ZNF578: variants seen among roughly 807,000 people sequenced by gnomAD.
The protein encoded by ZNF578 is zinc finger protein 578.
ZNF578 carries 8 observed loss-of-function variants against 8.3 expected under a neutral mutation model. That is an observed-to-expected ratio of 0.96 (90% confidence interval 0.56 to 1.74). The LOEUF is 1.74. ZNF578 is among the 40% of genes most tolerant of loss of function. ZNF578 has a pLI of 0.00. For synonymous variants in ZNF578, 206 were observed against 232.2 expected (o/e 0.89, Z 1.03); for missense variants, 726 against 707.5 (o/e 1.03, Z -0.30).
Position 52,511,315 on chromosome 19 carries a change from G to A in ZNF578, c.934G>A (p.Glu312Lys). ...LTCHRRCHTG[E>K]KPYKCNECGK... ...ATGCCATCGTAGATGTCACACTGGT[G>A]AGAAACCTTACAAGTGTAATGAATG... The change falls in exon 6 of 6, where the codon GAG (glutamate) becomes AAG (lysine). Residue 312 changes from glutamate (E) to lysine (K), a missense_variant. Transcript: ENST00000421239. 6.2e-7 allele frequency: 1 copy of A among 1,614,038 alleles called. No individual in the cohort carries two copies. Among genetic ancestry groups the A allele is most frequent in the East Asian group, 2.2e-5 (1 of 44,870 alleles).
intron 3 of ZNF578, among the ~76,000 whole-genome samples, chr19:52,496,136 A>G (rs939128769): frequency 6.0e-5 from 9 of 150,344 alleles, no homozygotes; most frequent in African/African-American, 2.0e-4. Context: ...TCTCTGCCTC[A>G]GCCTCCCGAG....
intron 3 of ZNF578, among the ~76,000 whole-genome samples, chr19:52,493,882 A>G (rs966970153): frequency 6.6e-6 from 1 of 151,800 alleles, no homozygotes; most frequent in African/African-American, 2.4e-5. Flanking sequence ...GCCAGCTATT[A>G]GGGAGGCTGA....
chr19:52,501,654 A>T lies in ZNF578; in HGVS notation c.-19-173A>T, dbSNP rs115002246. 7.2e-3 allele frequency among the ~76,000 whole-genome samples: 1,101 copies of T among 152,256 alleles called. 13 individuals carry two copies. Among genetic ancestry groups the T allele is most frequent in the African/African-American group, 0.023 (962 of 41,544 alleles). Reference sequence around the variant, plus strand: ...CGAGATCTGAAGACCAGGGTCAAACATACACTTATAGGTCTTCCTGTGGGA... The same window carrying T: ...CGAGATCTGAAGACCAGGGTCAAACTTACACTTATAGGTCTTCCTGTGGGA... On this transcript the variant is annotated intron_variant, in intron 3 of 5. Coordinates refer to ENST00000421239, the MANE Select transcript of ZNF578 (RefSeq NM_001099694.2).
intron 3 of ZNF578, among the ~76,000 whole-genome samples, chr19:52,495,423 G>A (rs890358117): frequency 3.4e-5 from 5 of 147,736 alleles, no homozygotes; most frequent in African/African-American, 9.9e-5. Context: ...GTACTTCAGC[G>A]TGGGCAATAA....
chr19:52,497,642 T>C (rs2059391689), intron 3 of ZNF578, among the ~76,000 whole-genome samples: 1 of 152,256 alleles, frequency 6.6e-6, no homozygotes, highest in South Asian at 2.1e-4. Flanking sequence ...CAGTTTACAT[T>C]GAGGTCTGTT....
At chr19:52,492,157 C>CAAAAAAAAA (rs869249180) in intron 3 of ZNF578, among the ~76,000 whole-genome samples, 5 of 67,638 alleles carry the variant, frequency 7.4e-5, no homozygotes, top group African/African-American at 2.0e-4. Context: ...GATTCTGTCT[C>CAAAAAAAAA]AAAAAAAAAA....
intron 3 of ZNF578, among the ~76,000 whole-genome samples, chr19:52,493,299 G>A (rs975209551): frequency 2.6e-5 from 4 of 152,034 alleles, no homozygotes; most frequent in African/African-American, 9.7e-5. Context: ...TTAAGGCGCC[G>A]TCGCCCCCTA....
At chr19:52,471,441 C>A (rs1163778799) in intron 2 of ZNF578, among the ~76,000 whole-genome samples, 1 of 152,166 alleles carries the variant, frequency 6.6e-6, no homozygotes, top group South Asian at 2.1e-4. Context: ...CTCTGTAGAA[C>A]CCTAATACAA....
At chr19:52,461,536 A>T (rs1482501420) in intron 2 of ZNF578, among the ~76,000 whole-genome samples, 1 of 152,182 alleles carries the variant, frequency 6.6e-6, no homozygotes, top group Non-Finnish European at 1.5e-5. Flanking sequence ...CCCATGGTCT[A>T]TTGAGGGAAA....
rs1435643880 is a variant in ZNF578, at chr19:52,516,767, G to A, written c.*4613G>A. Among the ~76,000 whole-genome samples the A allele has an allele frequency of 6.6e-6, 1 of 152,028 alleles. No homozygotes were observed. The highest frequency in any genetic ancestry group is 1.5e-5 in the Non-Finnish European group (1 of 68,036). ...GCAAAGCATTGCCCCTAACTCCACC[G>A]CCTGTCCCAAAAGCTACAAGAACTA... On this transcript the variant is annotated 3_prime_UTR_variant, in exon 6 of 6. Transcript: ENST00000421239.
At chr19:52,496,784 C>T (rs956559775) in intron 3 of ZNF578, among the ~76,000 whole-genome samples, 14 of 151,826 alleles carry the variant, frequency 9.2e-5, no homozygotes, top group African/African-American at 2.7e-4. Context: ...ATTACAGGCA[C>T]GCAGCACCAT....
Position 52,511,746 on chromosome 19 carries a change from C to A in ZNF578, c.1365C>A (p.Tyr455Ter), listed in dbSNP as rs1379818975. ...GACTTCATACTGGAGAGAAATCTTACAAATGTGAAGAATGTGACAGAGTTT... is the reference window on the plus strand; with the variant it reads ...GACTTCATACTGGAGAGAAATCTTAAAAATGTGAAGAATGTGACAGAGTTT... ...HHRLHTGEKS[Y>*]KCEECDRVFS... is the part of the protein sequence containing the mutation. The change falls in exon 6 of 6, where the codon TAC becomes TAA. Residue 455 changes from tyrosine (Y) to a stop codon, truncating the protein, a stop_gained. Transcript: ENST00000421239. LOFTEE classifies it low-confidence loss of function (END_TRUNC). 6.2e-7 allele frequency: 1 copy of A among 1,613,400 alleles called. No individual in the cohort carries two copies. The highest frequency in any genetic ancestry group is 8.5e-7 in the Non-Finnish European group (1 of 1,179,890).
At chr19:52,471,123 CAG>C (rs1189378443) in intron 2 of ZNF578, among the ~76,000 whole-genome samples, 3 of 152,174 alleles carry the variant, frequency 2.0e-5, no homozygotes, top group Admixed American at 2.0e-4. Flanking sequence ...CCCTAGAAGT[CAG>C]AGAGATGCTG....
intron 3 of ZNF578, among the ~76,000 whole-genome samples, chr19:52,495,297 G>T (rs141837049): frequency 0.023 from 2,788 of 119,042 alleles, 79 homozygotes; most frequent in South Asian, 0.03. Flanking sequence ...CCCCTGAGTA[G>T]CTGGGATTAC....
At chr19:52,493,520 C>A (rs980995943) in intron 3 of ZNF578, among the ~76,000 whole-genome samples, 8 of 151,936 alleles carry the variant, frequency 5.3e-5, no homozygotes, top group African/African-American at 9.7e-5. Context: ...CAAGGAGAAC[C>A]GAGGGAGAAA....
chr19:52,488,231 A>G (rs1312055918), intron 2 of ZNF578, among the ~76,000 whole-genome samples: 4 of 150,838 alleles, frequency 2.7e-5, no homozygotes, highest in South Asian at 2.2e-4. Context: ...GATTACAGGC[A>G]TGAGCCACCA....
At chr19:52,503,792 T>G (rs964570186) in intron 4 of ZNF578, among the ~76,000 whole-genome samples, 1 of 148,640 alleles carries the variant, frequency 6.7e-6, no homozygotes, top group African/African-American at 2.5e-5. Context: ...GAGAAAACCC[T>G]GTGTTTGCTT....
chr19:52,498,997 C>T (rs1316232601), intron 3 of ZNF578, among the ~76,000 whole-genome samples: 1 of 152,112 alleles, frequency 6.6e-6, no homozygotes, highest in Non-Finnish European at 1.5e-5. Flanking sequence ...TTGGAATTTT[C>T]TAGAGGAGGA....
At chr19:52,493,765 CAGATCACCT>C (rs2059375349) in intron 3 of ZNF578, among the ~76,000 whole-genome samples, 1 of 150,934 alleles carries the variant, frequency 6.6e-6, no homozygotes, top group South Asian at 2.1e-4. Flanking sequence ...CTGAAGCGGG[CAGATCACCT>C]GAGGTCCCGA....
Sources: allele counts gnomAD v4.1 joint callset (sites outside exome capture counted in the v4.1 genomes callset), GRCh38; gene constraint gnomAD v4.1.1; transcripts MANE v1.5; gene names NCBI Gene and HGNC (gene_info 2026-07-23, HGNC 2026-07-21).